STON1: variants seen among roughly 807,000 people sequenced by gnomAD.
The protein encoded by STON1 is stonin-1.
A neutral mutation model predicts 60.9 loss-of-function variants in STON1; 79 were observed. The observed-to-expected ratio is 1.30, with a 90% CI of 1.08 to 1.56. STON1 has a LOEUF of 1.56. Among genes scored for constraint, STON1 ranks in the 40% most tolerant of loss-of-function variants. The pLI is 0.00. For synonymous variants in STON1, 363 were observed against 306.9 expected (o/e 1.18, Z -1.91); for missense variants, 1,166 against 858.9 (o/e 1.36, Z -4.47).
At chr2:48,553,385 C>T (rs1410411464) in intron 1 of STON1, among the ~76,000 whole-genome samples, 3 of 152,014 alleles carry the variant, frequency 2.0e-5, no homozygotes, top group Non-Finnish European at 4.4e-5. Flanking sequence ...CCTTCCCTTC[C>T]CTTCCCATCC....
Position 48,595,354 on chromosome 2 carries a change from G to A in STON1, c.*52G>A, listed in dbSNP as rs755884898. The A allele has an allele frequency of 6.4e-5, 96 of 1,492,478 alleles. No homozygotes were observed. The highest frequency in any genetic ancestry group is 7.7e-5 in the Non-Finnish European group (83 of 1,072,858). 92.5% of individuals were successfully genotyped at this position (1,492,478 alleles called of 1,614,324 possible). A position where few individuals can be genotyped will look rare whatever the true frequency, so the allele number is the denominator to read the frequency against. ...CCACTTGTCAAATATGTAATTCACC[G>A]AAACCACACCAAGTCCTGCTACTGT... On this transcript the variant is annotated 3_prime_UTR_variant, in exon 4 of 4. Transcript: ENST00000404752.
chr2:48,574,743 A>G (rs932098155), intron 1 of STON1, among the ~76,000 whole-genome samples: 1 of 152,150 alleles, frequency 6.6e-6, no homozygotes. Flanking sequence ...TATAAATTGG[A>G]TTTTTAATCT....
chr2:48,556,783 C>G (rs1324986204), intron 1 of STON1, among the ~76,000 whole-genome samples: 3 of 47,652 alleles, frequency 6.3e-5, no homozygotes, highest in African/African-American at 1.1e-4. Flanking sequence ...GGCACGGCTG[C>G]CCGGGCGGGG....
At chr2:48,530,937 T>C (rs1023946154) in intron 1 of STON1, 2 of 152,222 alleles carry the variant, frequency 1.3e-5, no homozygotes, top group African/African-American at 4.8e-5. Flanking sequence ...TTGTACTGCT[T>C]CTGTTGGTTT....
intron 1 of STON1, among the ~76,000 whole-genome samples, chr2:48,533,662 C>CAAAAAA (rs57217272): frequency 3.6e-5 from 2 of 56,310 alleles, no homozygotes; most frequent in African/African-American, 6.6e-5. Flanking sequence ...AACTCCGTCT[C>CAAAAAA]AAAAAAAAAA....
chr2:48,555,475 A>C (rs1672304318), intron 1 of STON1, among the ~76,000 whole-genome samples: 1 of 91,930 alleles, frequency 1.1e-5, no homozygotes, highest in Non-Finnish European at 2.2e-5. Context: ...TCCCTCCCGG[A>C]CGGGGCGGCT....
chr2:48,566,887 C>A (rs184771333), intron 1 of STON1, among the ~76,000 whole-genome samples: 3 of 152,072 alleles, frequency 2.0e-5, no homozygotes, highest in Admixed American at 6.6e-5. Context: ...TTGTTCAAGT[C>A]GTTACAGGCT....
At chr2:48,536,345 C>T (rs549325987) in intron 1 of STON1, among the ~76,000 whole-genome samples, 2 of 151,832 alleles carry the variant, frequency 1.3e-5, no homozygotes, top group South Asian at 4.2e-4. Context: ...GTTAAAAGTT[C>T]GAGACCAGCC....
chr2:48,593,219 AATTCTCCTGC>A (rs200896786), intron 3 of STON1, among the ~76,000 whole-genome samples: 9,739 of 151,626 alleles, frequency 0.064, 462 homozygotes, highest in Non-Finnish European at 0.095. Flanking sequence ...AGGTTCAAGT[AATTCTCCTGC>A]CTCAGCCTCC....
At chr2:48,564,492 CTT>C (rs1672799334) in intron 1 of STON1, among the ~76,000 whole-genome samples, 3 of 24,624 alleles carry the variant, frequency 1.2e-4, no homozygotes, top group Admixed American at 4.3e-4. Context: ...TCTTCTTCTT[CTT>C]CTTCTTCTTC....
At chr2:48,539,533 G>T (rs557330053) in intron 1 of STON1, among the ~76,000 whole-genome samples, 7 of 151,754 alleles carry the variant, frequency 4.6e-5, no homozygotes, top group African/African-American at 1.2e-4. Context: ...ATGGAGTCTC[G>T]CTCTGTCACC....
chr2:48,559,594 A>G (rs143399278), intron 1 of STON1, among the ~76,000 whole-genome samples: 47 of 152,314 alleles, frequency 3.1e-4, no homozygotes, highest in Non-Finnish European at 4.4e-5. Flanking sequence ...CATAAACGTA[A>G]CTAATGTTAT....
At chr2:48,565,517 C>A (rs1343526758) in intron 1 of STON1, among the ~76,000 whole-genome samples, 1 of 152,124 alleles carries the variant, frequency 6.6e-6, no homozygotes, top group East Asian at 1.9e-4. Context: ...AGGAGGATCC[C>A]TGAGCAGGGA....
At chr2:48,539,799 G>A (rs1410309778) in intron 1 of STON1, among the ~76,000 whole-genome samples, 9 of 152,078 alleles carry the variant, frequency 5.9e-5, no homozygotes, top group East Asian at 3.9e-4. Context: ...TGTACTACAC[G>A]CCTGATTTCA....
chr2:48,592,759 C>A (rs768225479), intron 3 of STON1, among the ~76,000 whole-genome samples: 6 of 152,074 alleles, frequency 3.9e-5, no homozygotes, highest in Admixed American at 3.9e-4. Context: ...CCATGCCTAG[C>A]CTATTGGTAG....
chr2:48,547,310 A>C (rs1233233450), intron 1 of STON1, among the ~76,000 whole-genome samples: 1 of 152,232 alleles, frequency 6.6e-6, no homozygotes, highest in Non-Finnish European at 1.5e-5. Flanking sequence ...ATTAAGTGGC[A>C]TGAATTTGGG....
At chr2:48,550,497 CAA>C (rs370025098) in intron 1 of STON1, among the ~76,000 whole-genome samples, 5 of 113,012 alleles carry the variant, frequency 4.4e-5, no homozygotes, top group Admixed American at 9.2e-5. Context: ...AACTCTATCT[CAA>C]AAAAAAAAAA....
intron 1 of STON1, among the ~76,000 whole-genome samples, chr2:48,563,992 C>T (rs1259534127): frequency 1.3e-5 from 2 of 152,112 alleles, no homozygotes; most frequent in East Asian, 1.9e-4. Flanking sequence ...AGCCACCACG[C>T]CTGCCCTCCA....
At chr2:48,560,900 C>G (rs1026677462) in intron 1 of STON1, among the ~76,000 whole-genome samples, 2 of 152,198 alleles carry the variant, frequency 1.3e-5, no homozygotes, top group Non-Finnish European at 1.5e-5. Context: ...ATCAGCAAGC[C>G]CCAAAGTCTC....
Sources: allele counts gnomAD v4.1 joint callset (sites outside exome capture counted in the v4.1 genomes callset), GRCh38; gene constraint gnomAD v4.1.1; transcripts MANE v1.5; gene names NCBI Gene and HGNC (gene_info 2026-07-23, HGNC 2026-07-21).